Variants in LINGO2 observed in about 807,000 individuals in gnomAD.
LINGO2 encodes leucine-rich repeat and immunoglobulin-like domain-containing nogo receptor-interacting protein 2.
A neutral mutation model predicts 30.6 loss-of-function variants in LINGO2; 14 were observed. The observed-to-expected ratio is 0.46, with a 90% confidence interval of 0.30 to 0.72. LINGO2 has a LOEUF of 0.72. Ranked by LOEUF, LINGO2 falls within the 30% of genes least tolerant of loss-of-function variation. The probability of loss-of-function intolerance (pLI) is 0.07; values close to 1 mark genes in which losing one functional copy is unlikely to be tolerated. For missense variants in LINGO2, 729 were observed against 751.7 expected, an observed-to-expected ratio of 0.97 and a Z score of 0.35; for synonymous variants, 317 against 288.5, an observed-to-expected ratio of 1.10 and a Z score of -1.00.
chr9:29,152,933 C>T, the LINGO2 span, among the ~76,000 whole-genome samples: 1 of 151,916 alleles, frequency 6.6e-6, no homozygotes, highest in East Asian at 1.9e-4. Flanking sequence ...TTAAGTGAAA[C>T]AACATATGTA....
chr9:28,799,406 T>A, the LINGO2 span, among the ~76,000 whole-genome samples: 1 of 152,088 alleles, frequency 6.6e-6, no homozygotes, highest in Admixed American at 6.6e-5. Flanking sequence ...CAATCACTTT[T>A]TGAGGAGGAT....
At chr9:28,309,921 T>G (rs1824543609) in intron 3 of LINGO2, among the ~76,000 whole-genome samples, 1 of 152,048 alleles carries the variant, frequency 6.6e-6, no homozygotes, top group Non-Finnish European at 1.5e-5. Flanking sequence ...CTCAATGTGA[T>G]TAGTTCTCCA....
chr9:29,068,409 C>A, the LINGO2 span, among the ~76,000 whole-genome samples: 29,811 of 151,430 alleles, frequency 0.2, 3,073 homozygotes, highest in African/African-American at 0.24. Flanking sequence ...AGCCAATGTG[C>A]AATAAGTAAT....
At chr9:28,548,670 C>G (rs1822086558) in intron 1 of LINGO2, among the ~76,000 whole-genome samples, 2 of 131,560 alleles carry the variant, frequency 1.5e-5, no homozygotes, top group South Asian at 5.0e-4. Flanking sequence ...AGCCACTGCA[C>G]TCCAGCCTGG....
intron 4 of LINGO2, among the ~76,000 whole-genome samples, chr9:28,241,690 G>T (rs66552928): frequency 0.012 from 1,857 of 152,268 alleles, 13 homozygotes; most frequent in Middle Eastern, 0.027. Flanking sequence ...CCCAACAGGG[G>T]TTGTCAGACA....
chr9:28,605,484 A>G (rs1825659912), intron 1 of LINGO2, among the ~76,000 whole-genome samples: 2 of 151,776 alleles, frequency 1.3e-5, no homozygotes, highest in Admixed American at 6.6e-5. Flanking sequence ...GACAGACTTT[A>G]TTTTCTTCAT....
chr9:28,684,868 C>T, the LINGO2 span, among the ~76,000 whole-genome samples: 13 of 152,028 alleles, frequency 8.6e-5, no homozygotes, highest in South Asian at 2.3e-3. Context: ...TACATGTGCA[C>T]GTTTGTTATA....
At chr9:28,695,409 A>G in the LINGO2 span, among the ~76,000 whole-genome samples, 1 of 152,098 alleles carries the variant, frequency 6.6e-6, no homozygotes, top group African/African-American at 2.4e-5. Context: ...ATATATTTAT[A>G]CAGTCTTTTT....
chr9:28,067,145 C>T (rs1421304617), intron 4 of LINGO2, among the ~76,000 whole-genome samples: 4 of 152,072 alleles, frequency 2.6e-5, no homozygotes, highest in Admixed American at 6.6e-5. Context: ...TTTATATTTA[C>T]AAGCACAAAA....
At chr9:28,125,719 C>T (rs1587038361) in intron 4 of LINGO2, among the ~76,000 whole-genome samples, 2 of 152,284 alleles carry the variant, frequency 1.3e-5, no homozygotes, top group Admixed American at 6.5e-5. Context: ...GAGTGACCTT[C>T]TTTTCTGTGG....
chr9:29,193,795 C>T, the LINGO2 span, among the ~76,000 whole-genome samples: 12 of 152,170 alleles, frequency 7.9e-5, no homozygotes, highest in African/African-American at 2.7e-4. Flanking sequence ...ACTCTGAAGT[C>T]CACTCTTCAC....
chr9:29,050,349 C>G, the LINGO2 span, among the ~76,000 whole-genome samples: 1 of 152,106 alleles, frequency 6.6e-6, no homozygotes. Context: ...ACATTGTATG[C>G]CTTTATCAAA....
chr9:28,206,181 A>AG (rs1564042685), intron 4 of LINGO2, among the ~76,000 whole-genome samples: 1 of 148,880 alleles, frequency 6.7e-6, no homozygotes, highest in Non-Finnish European at 1.5e-5. Context: ...AAAAAAAAAA[A>AG]AAAAAAAAAG....
intron 4 of LINGO2, among the ~76,000 whole-genome samples, chr9:28,290,390 A>G (rs909958535): frequency 6.6e-6 from 1 of 152,164 alleles, no homozygotes; most frequent in Non-Finnish European, 1.5e-5. Flanking sequence ...GGACTGCCTG[A>G]GGTCATTCTC....
intron 2 of LINGO2, among the ~76,000 whole-genome samples, chr9:28,466,981 G>A (rs1051144837): frequency 6.6e-6 from 1 of 151,466 alleles, no homozygotes; most frequent in Non-Finnish European, 1.5e-5. Flanking sequence ...CAAAGGCAAA[G>A]TGGGTGGATT....
chr9:28,625,672 T>C (rs1486227836), intron 1 of LINGO2, among the ~76,000 whole-genome samples: 1 of 152,098 alleles, frequency 6.6e-6, no homozygotes, highest in Admixed American at 6.6e-5. Flanking sequence ...TCCTTTTTAT[T>C]GTTAAGTAGT....
At chr9:28,361,248 A>G (rs545689395) in intron 3 of LINGO2, among the ~76,000 whole-genome samples, 2 of 152,306 alleles carry the variant, frequency 1.3e-5, no homozygotes, top group African/African-American at 4.8e-5. Flanking sequence ...TGATGATGGT[A>G]TGTCATTATA....
intron 4 of LINGO2, among the ~76,000 whole-genome samples, chr9:28,178,264 C>G (rs949901768): frequency 2.6e-5 from 4 of 152,034 alleles, no homozygotes; most frequent in African/African-American, 7.2e-5. Flanking sequence ...GACTTAGAGA[C>G]GGTAGCGTAT....
At chr9:28,489,556 T>C (rs1826304507) in intron 1 of LINGO2, among the ~76,000 whole-genome samples, 1 of 152,080 alleles carries the variant, frequency 6.6e-6, no homozygotes, top group South Asian at 2.1e-4. Context: ...GTTCTTGTAT[T>C]TTGCTGTGAC....
Sources: allele counts gnomAD v4.1 joint callset (sites outside exome capture counted in the v4.1 genomes callset), GRCh38; gene constraint gnomAD v4.1.1; transcripts MANE v1.5; gene names NCBI Gene and HGNC (gene_info 2026-07-23, HGNC 2026-07-21).